DNASE2B: variants seen among roughly 807,000 people sequenced by gnomAD.
DNASE2B encodes the protein deoxyribonuclease 2 beta.
A neutral mutation model predicts 46.0 loss-of-function variants in DNASE2B; 43 were observed. That is an observed-to-expected ratio of 0.94 (90% CI 0.73 to 1.21). DNASE2B has a LOEUF of 1.21. Among genes scored for constraint, DNASE2B ranks in the 50% most tolerant of loss-of-function variants. The pLI, the probability that DNASE2B is intolerant of heterozygous loss-of-function variation, is 0.00. For synonymous variants in DNASE2B, 156 were observed against 152.5 expected (o/e 1.02, Z -0.17); for missense variants, 395 against 414.4 (o/e 0.95, Z 0.41).
chr1:84,408,217 C>A, intron 2 of DNASE2B: 1 of 530,898 alleles, frequency 1.9e-6, no homozygotes, highest in Non-Finnish European at 2.8e-6. Context: ...GCTCCTGTCA[C>A]ATGAGTAAAA....
At chr1:84,411,479 T>TCAGA (rs1680597097) in intron 4 of DNASE2B, among the ~76,000 whole-genome samples, 1 of 64,578 alleles carries the variant, frequency 1.5e-5, no homozygotes, top group African/African-American at 5.9e-5. Context: ...TGTGTGTGTG[T>TCAGA]GTGTCAGAGA....
At chr1:84,408,607 A>G in intron 3 of DNASE2B, 89 bp downstream of exon 3, 1 of 1,074,916 alleles carries the variant, frequency 9.3e-7, no homozygotes, top group East Asian at 2.9e-5. Context: ...ATTCCATACT[A>G]AATAGATAGC....
chr1:84,414,556 G>A lies in DNASE2B; in HGVS notation c.774G>A (p.Arg258=), dbSNP rs1680659516. 6.2e-7 allele frequency: 1 copy of A among 1,613,042 alleles called. No homozygotes were observed. Among genetic ancestry groups the A allele is most frequent in the Non-Finnish European group, 8.5e-7 (1 of 1,179,554 alleles). ...TCTTTGCAGCCTGGATGGCTCAACG[G>A]CTGAAGACACACTTGTTAACAGAAA... ...DDIFAAWMAQ[R]LKTHLLTETW... is the part of the protein sequence containing the mutation. The change falls in exon 6 of 6, where the codon CGG becomes CGA. Residue 258 remains arginine (R), a synonymous_variant. Coordinates refer to ENST00000370665, the MANE Select transcript of DNASE2B (RefSeq NM_021233.3).
chr1:84,412,651 A>G, intron 5 of DNASE2B, 105 bp downstream of exon 5: 1 of 1,127,952 alleles, frequency 8.9e-7, no homozygotes. Flanking sequence ...GAGAGATGAA[A>G]AAAGGGAGCA....
chr1:84,409,786 G>C (rs1448426930), intron 3 of DNASE2B, among the ~76,000 whole-genome samples: 1 of 152,136 alleles, frequency 6.6e-6, no homozygotes, highest in Non-Finnish European at 1.5e-5. Context: ...TCAAGTGGAG[G>C]GGTTCTCTTG....
intron 4 of DNASE2B, among the ~76,000 whole-genome samples, chr1:84,411,430 GTGTGTGTGTGTGTGTGTGT>G (rs1558503350): frequency 0.015 from 24 of 1,610 alleles, no homozygotes; most frequent in Admixed American, 0.022. Context: ...CCTAGGGTGT[GTGTGTGTGTGTGTGTGTGT>G]GTGTGTGTGT....
At chr1:84,411,688 G>T (rs1680600911) in intron 4 of DNASE2B, among the ~76,000 whole-genome samples, 1 of 152,164 alleles carries the variant, frequency 6.6e-6, no homozygotes. Context: ...GTAGGGACAG[G>T]TTGGTAGCTA....
chr1:84,414,446 G>GA, intron 5 of DNASE2B, 82 bp from the exon 6 acceptor site: 1 of 1,229,840 alleles, frequency 8.1e-7, no homozygotes, highest in Non-Finnish European at 1.1e-6. Context: ...GGTGAAAGAT[G>GA]ATTTCCATTC....
chr1:84,412,529 C>G lies in DNASE2B; in HGVS notation c.728C>G (p.Ser243Trp). The change falls in exon 5 of 6, where the codon TCG becomes TGG. Residue 243 changes from serine (S) to tryptophan (W), a missense_variant. By Grantham distance (177) the Ser-to-Trp change is radical. Coordinates refer to ENST00000370665, the MANE Select transcript of DNASE2B (RefSeq NM_021233.3). ...CAAAAATTCCTCCATTTTGCAAAGT[C>G]GGATTCTTTTCTTGACGGTATGAAA... ...QGQKFLHFAK[S>W]DSFLDDIFAA... is the part of the protein sequence containing the mutation. The G allele has an allele frequency of 6.2e-7, 1 of 1,609,988 alleles. No homozygotes were observed. Among genetic ancestry groups the G allele is most frequent in the Non-Finnish European group, 8.5e-7 (1 of 1,177,956 alleles).
At chr1:84,406,266 T>A (rs1195606212) in intron 2 of DNASE2B, among the ~76,000 whole-genome samples, 1 of 152,156 alleles carries the variant, frequency 6.6e-6, no homozygotes, top group Non-Finnish European at 1.5e-5. Flanking sequence ...GGGAAAATAA[T>A]GCCTACATTG....
chr1:84,409,053 C>G (rs996960060), intron 3 of DNASE2B, among the ~76,000 whole-genome samples: 45 of 151,460 alleles, frequency 3.0e-4, no homozygotes, highest in Admixed American at 1.1e-3. Context: ...TTTTTATTAT[C>G]CTTTCACAAT....
chr1:84,400,729 G>GA (rs1368175944), intron 1 of DNASE2B, among the ~76,000 whole-genome samples: 2 of 152,192 alleles, frequency 1.3e-5, no homozygotes, highest in East Asian at 3.8e-4. Flanking sequence ...GATTGATATG[G>GA]AAAATCATTT....
At chr1:84,402,687 G>A (rs1318499892) in intron 2 of DNASE2B, among the ~76,000 whole-genome samples, 1 of 152,192 alleles carries the variant, frequency 6.6e-6, no homozygotes, top group Non-Finnish European at 1.5e-5. Flanking sequence ...TAGGCCTGCT[G>A]GCTTATTATG....
At chr1:84,410,146 A>C (rs1165791877) in intron 3 of DNASE2B, among the ~76,000 whole-genome samples, 1 of 152,206 alleles carries the variant, frequency 6.6e-6, no homozygotes, top group Admixed American at 6.5e-5. Context: ...CTAAACACAA[A>C]AATAGTCAGA....
intron 2 of DNASE2B, among the ~76,000 whole-genome samples, chr1:84,406,001 T>C (rs1225285386): frequency 6.6e-6 from 1 of 152,176 alleles, no homozygotes; most frequent in Non-Finnish European, 1.5e-5. Context: ...ATATATTGTA[T>C]GCATTCATAA....
At chr1:84,408,554 G>T in intron 3 of DNASE2B, 36 bp downstream of exon 3, 1 of 1,568,332 alleles carries the variant, frequency 6.4e-7, no homozygotes, top group East Asian at 2.3e-5. Context: ...TTTCCTACTG[G>T]AAATCAACAA....
intron 2 of DNASE2B, 42 bp from the exon 3 acceptor site, chr1:84,408,395 G>A (rs1416572266): frequency 1.3e-6 from 2 of 1,569,162 alleles, no homozygotes; most frequent in African/African-American, 2.7e-5. Context: ...GCGTTTGTAA[G>A]TGGAAGATTT....
chr1:84,412,524 A>C lies in DNASE2B; in HGVS notation c.723A>C (p.Ala241=), dbSNP rs761986900. 2 of 1,611,694 alleles carry C rather than the reference A, an allele frequency of 1.2e-6. No homozygotes were observed. Among genetic ancestry groups the C allele is most frequent in the Admixed American group, 3.4e-5 (2 of 59,680 alleles). Residue 241 remains alanine, a synonymous_variant, in exon 5 of 6, where the codon GCA becomes GCC. Transcript: ENST00000370665. ...SAQGQKFLHF[A]KSDSFLDDIF... is the part of the protein sequence containing the mutation. ...AGGGACAAAAATTCCTCCATTTTGC[A>C]AAGTCGGATTCTTTTCTTGACGGTA...
Position 84,402,632 on chromosome 1 carries a change from A to AC in DNASE2B, c.303+555dup, listed in dbSNP as rs747534885. 1.4e-4 allele frequency among the ~76,000 whole-genome samples: 21 copies of AC among 152,276 alleles called. No individual in the cohort carries two copies. The South Asian group carries it at 4.2e-3, about 30-fold the overall frequency. On this transcript the variant is annotated intron_variant, in intron 2 of 5. Transcript: ENST00000370665. ...TGGAGATTATCCCTGCTATATCTGG[A>AC]CTTTATCAGGCAATGAGCTAATCAG...
Sources: allele counts gnomAD v4.1 joint callset (sites outside exome capture counted in the v4.1 genomes callset), GRCh38; gene constraint gnomAD v4.1.1; transcripts MANE v1.5; gene names NCBI Gene and HGNC (gene_info 2026-07-23, HGNC 2026-07-21).